Variants in PIEZO1 observed in about 807,000 individuals in gnomAD.
PIEZO1 encodes the protein piezo-type mechanosensitive ion channel component 1.
PIEZO1 carries 296 observed loss-of-function variants against 297.2 expected under a neutral mutation model. The ratio of observed to expected loss-of-function variants is 1.00; its 90% CI spans 0.91 to 1.10. The LOEUF (loss-of-function observed/expected upper bound fraction) is 1.10. Among genes scored for constraint, PIEZO1 ranks in the 50% least tolerant of loss-of-function variants. PIEZO1 has a pLI of 0.00. For missense variants in PIEZO1, 5,018 were observed against 3,455.5 expected, an observed-to-expected ratio of 1.45 and a Z score of -11.34; for synonymous variants, 2,427 against 1,507.5, an observed-to-expected ratio of 1.61 and a Z score of -14.13.
At chr16:88,762,909 C>A (rs1378631930) in intron 1 of PIEZO1, among the ~76,000 whole-genome samples, 3 of 152,186 alleles carry the variant, frequency 2.0e-5, no homozygotes, top group African/African-American at 7.2e-5. Flanking sequence ...GACCCCCAGT[C>A]CCCAATACGC....
chr16:88,771,232 C>T (rs573815133), intron 1 of PIEZO1, among the ~76,000 whole-genome samples: 1 of 152,248 alleles, frequency 6.6e-6, no homozygotes, highest in African/African-American at 2.4e-5. Context: ...CAGTGACCCC[C>T]CCTTGGGAGG....
chr16:88,721,072 G>T, intron 39 of PIEZO1, 94 bp downstream of exon 39: 3 of 1,280,944 alleles, frequency 2.3e-6, no homozygotes, highest in Non-Finnish European at 2.1e-6. Flanking sequence ...GCCTCGCACT[G>T]GGCTTGGCCG....
Position 88,736,383 on chromosome 16 carries a change from C to T in PIEZO1, c.1322G>A (p.Trp441Ter). ...MMVWSITYHS[W>*]LTFVLLLWAC... ...CCAGAGCAGCAGTACGAAGGTCAGC[C>T]AGCTGTGGTAGGTGATGCTCCATAC... The change falls in exon 12 of 51, where the codon TGG becomes TAG. Residue 441 changes from tryptophan to a stop codon, truncating the protein, a stop_gained. Transcript: ENST00000301015. LOFTEE classifies it high-confidence loss of function. The T allele has an allele frequency of 6.5e-7, 1 of 1,549,448 alleles. No homozygotes were observed. Among genetic ancestry groups the T allele is most frequent in the Non-Finnish European group, 8.7e-7 (1 of 1,146,722 alleles).
rs1911975053 is a variant in PIEZO1, at chr16:88,715,854, G to A, written c.7317C>T (p.Gly2439=). The change falls in exon 51 of 51, where the codon GGC becomes GGT. Residue 2439 remains glycine, a splice_region_variant and synonymous_variant. Transcript: ENST00000301015. ...PPSLGFLAGY[G]IMGLYVSIVL... The stretch of plus-strand genomic sequence containing the variant: ...CGATGGACACGTACAGCCCCATGAT[G>A]CTGCGGGGGAAGCTGGTGAGTCCTG... 5 of 1,549,496 alleles carry A rather than the reference G, an allele frequency of 3.2e-6. No homozygotes were observed. Among genetic ancestry groups the A allele is most frequent in the Non-Finnish European group, 4.4e-6 (5 of 1,146,382 alleles).
Position 88,720,054 on chromosome 16 carries a change from C to T in PIEZO1, c.6164+15G>A. 5 of 1,550,092 alleles carry T rather than the reference C, an allele frequency of 3.2e-6. No individual in the cohort carries two copies. The highest frequency in any genetic ancestry group is 4.4e-6 in the Non-Finnish European group (5 of 1,146,780). ...CCCGCCCCTGGAGACCGAGCGCCCC[C>T]ACGCGTGGGCCCACCTCTCAGTGAC... is the stretch of plus-strand genomic sequence containing the variant. On this transcript the variant is annotated intron_variant, in intron 42 of 50. Transcript: ENST00000301015.
Position 88,722,754 on chromosome 16 carries a change from A to G in PIEZO1, c.4669-65T>C. ...CTTGTCCCCACACGGGGTTTCGTGC[A>G]GTGGGCGCGGGACTAGGCTGTTAAG... On this transcript the variant is annotated intron_variant, in intron 34 of 50. Coordinates refer to ENST00000301015, the MANE Select transcript of PIEZO1 (RefSeq NM_001142864.4). The G allele has an allele frequency of 4.6e-6, 7 of 1,527,908 alleles. 1 individual carries two copies. The South Asian group carries it at 8.3e-5, about 18-fold the overall frequency. 94.6% of individuals were successfully genotyped at this position (1,527,908 alleles called of 1,614,324 possible). A position where few individuals can be genotyped will look rare whatever the true frequency, so the allele number is the denominator to read the frequency against.
chr16:88,724,455 T>C (rs1904312002), intron 30 of PIEZO1, among the ~76,000 whole-genome samples: 1 of 143,846 alleles, frequency 7.0e-6, no homozygotes, highest in Non-Finnish European at 1.5e-5. Flanking sequence ...CCTTTGAACC[T>C]GGGAGGTGGG....
intron 36 of PIEZO1, 56 bp downstream of exon 36, chr16:88,722,162 T>C (rs765014474): frequency 4.6e-5 from 70 of 1,525,836 alleles, no homozygotes; most frequent in South Asian, 2.3e-4. Context: ...CTGCCCCTGT[T>C]CGGCTGCTCC....
chr16:88,723,002 G>T lies in PIEZO1; in HGVS notation c.4503C>A (p.Ser1501Arg). 1 of 1,546,284 alleles carries T rather than the reference G, an allele frequency of 6.5e-7. No individual in the cohort carries two copies. Among genetic ancestry groups the T allele is most frequent in the Non-Finnish European group, 8.7e-7 (1 of 1,145,950 alleles). ...TGCTCAGCACCCTCTGCACCACATG[G>T]CTCCGGCCTGCGGGAGGGCGGGAGG... is the stretch of plus-strand genomic sequence containing the variant. Reference protein sequence around the residue: ...EGPEEAAAGRSHVVQRVLSTA... With the variant: ...EGPEEAAAGRRHVVQRVLSTA... The change falls in exon 34 of 51, where the codon AGC becomes AGA. Residue 1501 changes from serine to arginine, a missense_variant. Ser to Arg is a moderately radical substitution (Grantham distance 110). Coordinates refer to ENST00000301015, the MANE Select transcript of PIEZO1 (RefSeq NM_001142864.4).
rs11547381 is a variant in PIEZO1 at position 88,721,573 on chromosome 16, G to A, written c.5368C>T (p.Leu1790Phe). The change falls in exon 38 of 51, where the codon CTC becomes TTC. Residue 1790 changes from leucine (L) to phenylalanine (F), a missense_variant. By Grantham distance (22) the Leu-to-Phe change is conservative. Coordinates refer to ENST00000301015, the MANE Select transcript of PIEZO1 (RefSeq NM_001142864.4). ...GAGCGGTGGAAGAAAAGGGCCATGAGCTGCACCAGGTCGTACTTGATGTAG... is the reference window on the plus strand; with the variant it reads ...GAGCGGTGGAAGAAAAGGGCCATGAACTGCACCAGGTCGTACTTGATGTAG... Reference protein sequence around the residue: ...DGYIKYDLVQLMALFFHRSQL... With the variant: ...DGYIKYDLVQFMALFFHRSQL... 5 of 1,550,238 alleles carry A rather than the reference G, an allele frequency of 3.2e-6. No homozygotes were observed. The highest frequency in any genetic ancestry group is 3.5e-6 in the Non-Finnish European group (4 of 1,146,880).
intron 1 of PIEZO1, among the ~76,000 whole-genome samples, chr16:88,770,617 C>T (rs576322129): frequency 1.3e-5 from 2 of 152,356 alleles, no homozygotes; most frequent in South Asian, 4.1e-4. Flanking sequence ...AGCCTGAACA[C>T]GGTCCTGGGT....
At chr16:88,759,684 G>A (rs533198175) in intron 1 of PIEZO1, among the ~76,000 whole-genome samples, 3 of 152,340 alleles carry the variant, frequency 2.0e-5, no homozygotes, top group Non-Finnish European at 2.9e-5. Context: ...GACCCAGAGG[G>A]GCCATGAGGG....
At chr16:88,765,668 ATTTTTTTTTTT>A (rs397966717) in intron 1 of PIEZO1, among the ~76,000 whole-genome samples, 1 of 131,754 alleles carries the variant, frequency 7.6e-6, no homozygotes, top group Non-Finnish European at 1.6e-5. Flanking sequence ...GTTATCTCTA[ATTTTTTTTTTT>A]TTTTTTTTTG....
intron 31 of PIEZO1, 103 bp downstream of exon 31, chr16:88,723,768 C>G: frequency 4.5e-6 from 3 of 664,088 alleles, no homozygotes. Context: ...TGGAGGAGCT[C>G]GGCTCCCAGG....
chr16:88,779,904 G>C (rs936751426), intron 1 of PIEZO1, among the ~76,000 whole-genome samples: 4 of 151,760 alleles, frequency 2.6e-5, no homozygotes, highest in Non-Finnish European at 4.4e-5. Context: ...TGAGCCTTCC[G>C]GGGGGGACGG....
chr16:88,722,662 C>A lies in PIEZO1; in HGVS notation c.4696G>T (p.Asp1566Tyr), dbSNP rs1002830980. Residue 1566 changes from aspartate to tyrosine, a missense_variant, in exon 35 of 51, where the codon GAT becomes TAT. By Grantham distance (160) the Asp-to-Tyr change is radical. Coordinates refer to ENST00000301015, the MANE Select transcript of PIEZO1 (RefSeq NM_001142864.4). The part of the protein sequence containing the change: ...QGGEVHRGVL[D>Y]QLYTSQAEAT... ...TCGGCCTGGCTTGTGTACAGCTGATCCAGCACGCCCCTGTGCACTTCGCCG... is the reference window on the plus strand; with the variant it reads ...TCGGCCTGGCTTGTGTACAGCTGATACAGCACGCCCCTGTGCACTTCGCCG... 2 of 1,538,056 alleles carry A rather than the reference C, an allele frequency of 1.3e-6. No homozygotes were observed. The highest frequency in any genetic ancestry group is 1.7e-6 in the Non-Finnish European group (2 of 1,146,474).
intron 1 of PIEZO1, among the ~76,000 whole-genome samples, chr16:88,781,182 C>CT (rs1190461562): frequency 6.6e-6 from 1 of 152,196 alleles, no homozygotes; most frequent in Non-Finnish European, 1.5e-5. Context: ...TCCCCTTCAT[C>CT]TTTGAGCACC....
In PIEZO1 at chr16:88,719,620, A is replaced by G; in HGVS notation, c.6425T>C (p.Ile2142Thr). The part of the protein sequence containing the change: ...SLSSWMCVED[I>T]YANIFIIKCS... ...TTTGATGATGAAGATGTTGGCATAGATGTCCTCCACACACATCCAGCTGGA... is the reference window on the plus strand; with the variant it reads ...TTTGATGATGAAGATGTTGGCATAGGTGTCCTCCACACACATCCAGCTGGA... The change falls in exon 44 of 51, where the codon ATC (isoleucine) becomes ACC (threonine). Residue 2142 changes from isoleucine (I) to threonine (T), a missense_variant. Transcript: ENST00000301015. 2 of 1,552,508 alleles carry G rather than the reference A, an allele frequency of 1.3e-6. No homozygotes were observed. The highest frequency in any genetic ancestry group is 1.7e-6 in the Non-Finnish European group (2 of 1,148,014).
intron 1 of PIEZO1, among the ~76,000 whole-genome samples, chr16:88,752,888 CCATTCATCCATTCATT>C (rs953725881): frequency 3.3e-5 from 5 of 151,772 alleles, no homozygotes; most frequent in Non-Finnish European, 5.9e-5. Context: ...ATCCATTCAT[CCATTCATCCATTCATT>C]CATTCATTCA....
Sources: allele counts gnomAD v4.1 joint callset (sites outside exome capture counted in the v4.1 genomes callset), GRCh38; gene constraint gnomAD v4.1.1; transcripts MANE v1.5; gene names NCBI Gene and HGNC (gene_info 2026-07-23, HGNC 2026-07-21).